The following ZNF428 variants were observed in gnomAD, a reference collection of about 807,000 sequenced individuals.
ZNF428 encodes zinc finger protein 428.
A neutral mutation model predicts 15.6 loss-of-function variants in ZNF428; 5 were observed. That is an observed-to-expected ratio of 0.32 (90% confidence interval 0.17 to 0.67). The LOEUF (loss-of-function observed/expected upper bound fraction) is 0.67, where lower values mean the gene tolerates loss of function less well. Among genes scored for constraint, ZNF428 ranks in the 30% least tolerant of loss-of-function variants. The pLI is 0.73. For missense variants in ZNF428, 237 were observed against 256.0 expected (o/e 0.93, Z 0.51); for synonymous variants, 97 against 102.2 (o/e 0.95, Z 0.31).
intron 1 of ZNF428, among the ~76,000 whole-genome samples, chr19:43,617,148 C>A (rs984329366): frequency 2.0e-5 from 3 of 152,022 alleles, no homozygotes; most frequent in African/African-American, 7.2e-5. Context: ...CAAAGCCCAC[C>A]ACAAACATAA....
chr19:43,610,834 C>CT (rs1028032214), intron 2 of ZNF428, among the ~76,000 whole-genome samples: 12 of 152,166 alleles, frequency 7.9e-5, no homozygotes, highest in South Asian at 4.2e-4. Flanking sequence ...CAGCCAGTCA[C>CT]TTTTTTTACC....
intron 1 of ZNF428, among the ~76,000 whole-genome samples, chr19:43,614,915 T>A (rs188986424): frequency 6.6e-6 from 1 of 151,990 alleles, no homozygotes; most frequent in African/African-American, 2.4e-5. Flanking sequence ...TAGGTCTTAA[T>A]TTCCGCATGT....
At chr19:43,618,566 CTTTTT>C (rs551668437) in intron 1 of ZNF428, among the ~76,000 whole-genome samples, 2 of 98,352 alleles carry the variant, frequency 2.0e-5, no homozygotes, top group African/African-American at 8.5e-5. Context: ...TTAATTTTTA[CTTTTT>C]TTTTTTTTTT....
intron 1 of ZNF428, 118 bp from the exon 2 acceptor site, chr19:43,614,552 T>G: frequency 2.2e-5 from 19 of 882,758 alleles, no homozygotes; most frequent in Non-Finnish European, 2.8e-5. Flanking sequence ...ACCCCAGCTC[T>G]GTCCCTGACT....
chr19:43,612,839 A>G lies in ZNF428; in HGVS notation c.76+1390T>C. The stretch of plus-strand genomic sequence containing the variant: ...TGACAACCCATCTCCATCCTCATCA[A>G]GGAAGGTGAAGAGCTACGGTCAGAT... On this transcript the variant is annotated intron_variant, in intron 2 of 2. Coordinates refer to ENST00000300811, the MANE Select transcript of ZNF428 (RefSeq NM_182498.4). This position sits in a 1 kb window ranked among gnomAD's most constrained non-coding sequence, Gnocchi z 4.2. 1 of 1,551,650 alleles carries G rather than the reference A, an allele frequency of 6.4e-7. No individual in the cohort carries two copies. The highest frequency in any genetic ancestry group is 8.7e-7 in the Non-Finnish European group (1 of 1,146,974).
At position 43,608,203 on chromosome 19, in the gene ZNF428, T is replaced by C. The variant is rs984045043; in HGVS notation, c.77-96A>G. On this transcript the variant is annotated intron_variant, in intron 2 of 2. Coordinates refer to ENST00000300811, the MANE Select transcript of ZNF428 (RefSeq NM_182498.4). ...TGAATCCCCACATTCAGACTTGCCA[T>C]AGTATGACAAGGATAGCCTAGACAC... 25 of 1,504,032 alleles carry C rather than the reference T, an allele frequency of 1.7e-5. No individual in the cohort carries two copies. The African/African-American group carries it at 1.9e-4, about 12-fold the overall frequency. The allele number at this position is 1,504,032 out of a possible 1,614,324, so 93.2% of individuals were successfully genotyped here.
In ZNF428 at chr19:43,612,673, T is replaced by C; in HGVS notation, c.76+1556A>G. On this transcript the variant is annotated intron_variant, in intron 2 of 2. Coordinates refer to ENST00000300811, the MANE Select transcript of ZNF428 (RefSeq NM_182498.4). This position sits in a 1 kb window ranked among gnomAD's most constrained non-coding sequence, Gnocchi z 4.2. ...CTAGAACCAGCAACAGGGAAAGGAG[T>C]GACAGCCAGCCTAGAAATCTGAGCA... 6.4e-7 allele frequency: 1 copy of C among 1,550,402 alleles called. No individual in the cohort carries two copies. Among genetic ancestry groups the C allele is most frequent in the East Asian group, 2.4e-5 (1 of 40,876 alleles).
chr19:43,611,903 AT>A, intron 2 of ZNF428: 3 of 592,678 alleles, frequency 5.1e-6, no homozygotes, highest in Non-Finnish European at 9.1e-6. Context: ...CATCTGCTGA[AT>A]GGCTGCAAAC....
intron 2 of ZNF428, among the ~76,000 whole-genome samples, chr19:43,609,517 T>C (rs908682316): frequency 2.0e-5 from 3 of 152,028 alleles, no homozygotes; most frequent in Non-Finnish European, 4.4e-5. Flanking sequence ...GGTGGGCGGA[T>C]TGCCTGAACT....
chr19:43,612,258 C>T lies in ZNF428; in HGVS notation c.76+1971G>A. On this transcript the variant is annotated intron_variant, in intron 2 of 2. Transcript: ENST00000300811. The surrounding 1 kb of genome is among the most constrained non-coding windows in gnomAD (Gnocchi z 4.2). ...GCAACACCCAACAGATCCTTAGTGC[C>T]CACCAAACCAGCGACATCCCGTAAC... 1 of 1,551,696 alleles carries T rather than the reference C, an allele frequency of 6.4e-7. No individual in the cohort carries two copies. Among genetic ancestry groups the T allele is most frequent in the African/African-American group, 1.4e-5 (1 of 73,148 alleles).
chr19:43,614,500 C>G, intron 1 of ZNF428, 66 bp from the exon 2 acceptor site: 4 of 1,393,384 alleles, frequency 2.9e-6, no homozygotes, highest in Non-Finnish European at 3.7e-6. Context: ...CCATCCCCAC[C>G]AAGCCCAACT....
rs910292936 is a variant in ZNF428, at chr19:43,607,400, C to A, written c.*217G>T. 5.3e-5 allele frequency: 29 copies of A among 550,480 alleles called. No individual in the cohort carries two copies. The African/African-American group carries it at 5.7e-4, about 11-fold the overall frequency. The allele number at this position is 550,480 out of a possible 1,614,324, so 34.1% of individuals were successfully genotyped here. ...ACACACACACACACACACACAAACACACACACGGGCGGGAATACACACACA... is the reference window on the plus strand; with the variant it reads ...ACACACACACACACACACACAAACAAACACACGGGCGGGAATACACACACA... On this transcript the variant is annotated 3_prime_UTR_variant, in exon 3 of 3. Transcript: ENST00000300811. This position sits in a 1 kb window ranked among gnomAD's most constrained non-coding sequence, Gnocchi z 5.1.
chr19:43,616,663 A>G (rs895359811), intron 1 of ZNF428, among the ~76,000 whole-genome samples: 8 of 152,270 alleles, frequency 5.3e-5, no homozygotes, highest in African/African-American at 1.2e-4. Context: ...CTGGTATTCC[A>G]TCAAGAGTGG....
chr19:43,619,373 C>A (rs866586035), intron 1 of ZNF428, among the ~76,000 whole-genome samples, 185 bp downstream of exon 1: 22 of 152,346 alleles, frequency 1.4e-4, no homozygotes, highest in African/African-American at 4.8e-4. Flanking sequence ...CAAGGCGGAG[C>A]GCTCGGTTCT....
intron 1 of ZNF428, among the ~76,000 whole-genome samples, chr19:43,615,425 C>T (rs1017285088): frequency 2.0e-5 from 3 of 151,880 alleles, no homozygotes; most frequent in Admixed American, 6.6e-5. Flanking sequence ...TAAGGCCGGG[C>T]GCAGTGACCC....
At chr19:43,618,970 C>G (rs1426247288) in intron 1 of ZNF428, among the ~76,000 whole-genome samples, 2 of 152,016 alleles carry the variant, frequency 1.3e-5, no homozygotes, top group Admixed American at 1.3e-4. Context: ...TTCACAAGTC[C>G]CACTCCTACC....
intron 2 of ZNF428, among the ~76,000 whole-genome samples, chr19:43,609,133 C>G (rs1277595488): frequency 1.3e-5 from 2 of 151,854 alleles, no homozygotes; most frequent in African/African-American, 2.4e-5. Context: ...CCTCAACAAC[C>G]CTTTGAGGGT....
chr19:43,607,512 A>C lies in ZNF428; in HGVS notation c.*105T>G. The stretch of plus-strand genomic sequence containing the variant: ...CACATCTACTTCTAAGACAACACAG[A>C]CCGGCAGTACCCCATCCCCCATGAC... On this transcript the variant is annotated 3_prime_UTR_variant, in exon 3 of 3. Transcript: ENST00000300811. The surrounding 1 kb of genome is among the most constrained non-coding windows in gnomAD (Gnocchi z 5.1). The C allele has an allele frequency of 7.3e-7, 1 of 1,376,772 alleles. No individual in the cohort carries two copies. The highest frequency in any genetic ancestry group is 9.7e-7 in the Non-Finnish European group (1 of 1,030,466). The allele number at this position is 1,376,772 out of a possible 1,614,324, so 85.3% of individuals were successfully genotyped here. A position where few individuals can be genotyped will look rare whatever the true frequency, so the allele number is the denominator to read the frequency against.
chr19:43,614,315 G>A lies in ZNF428; in HGVS notation c.-11C>T, dbSNP rs1262947075. The A allele has an allele frequency of 1.7e-5, 27 of 1,594,432 alleles. No homozygotes were observed. Among genetic ancestry groups the A allele is most frequent in the Non-Finnish European group, 2.2e-5 (26 of 1,170,430 alleles). ...ACGGGTCTCTGTCATGACCGGGGGA[G>A]GGGACAGGAGACAGGAGCAGAGCAG... is the stretch of plus-strand genomic sequence containing the variant. On this transcript the variant is annotated 5_prime_UTR_variant, in exon 2 of 3. Transcript: ENST00000300811.
Sources: allele counts gnomAD v4.1 joint callset (sites outside exome capture counted in the v4.1 genomes callset), GRCh38; gene constraint gnomAD v4.1.1; non-coding constraint Gnocchi (gnomAD v3.1); transcripts MANE v1.5; gene names NCBI Gene and HGNC (gene_info 2026-07-23, HGNC 2026-07-21).